The following OMA1 variants were observed in gnomAD, a reference collection of about 807,000 sequenced individuals.
OMA1 encodes the protein metalloendopeptidase OMA1, mitochondrial.
In OMA1, 38 loss-of-function variants were observed where a neutral mutation model predicts 30.9. The ratio of observed to expected loss-of-function variants is 1.23; its 90% confidence interval spans 0.95 to 1.61. The LOEUF (loss-of-function observed/expected upper bound fraction) is 1.61. Among genes scored for constraint, OMA1 ranks in the 40% most tolerant of loss-of-function variants. OMA1 has a pLI of 0.00. For missense variants in OMA1, 461 were observed against 349.2 expected, an observed-to-expected ratio of 1.32 and a Z score of -2.55; for synonymous variants, 173 against 121.9, an observed-to-expected ratio of 1.42 and a Z score of -2.76.
At chr1:58,511,806 C>T (rs1646081603) in intron 7 of OMA1, among the ~76,000 whole-genome samples, 1 of 152,122 alleles carries the variant, frequency 6.6e-6, no homozygotes, top group South Asian at 2.1e-4. Flanking sequence ...AGACCTAAAA[C>T]TATAAAACTC....
At chr1:58,510,784 T>C (rs1023315047) in intron 7 of OMA1, among the ~76,000 whole-genome samples, 1 of 151,978 alleles carries the variant, frequency 6.6e-6, no homozygotes, top group Non-Finnish European at 1.5e-5. Context: ...AAAGTTAGTA[T>C]ACAAAAATCA....
rs576511508 is a variant in OMA1, at chr1:58,517,046, G to A, written c.1215+10215C>T. Among the ~76,000 whole-genome samples the A allele has an allele frequency of 5.3e-5, 8 of 152,244 alleles. No homozygotes were observed. In the South Asian group the frequency reaches 8.3e-4, roughly 16 times the overall value. On this transcript the variant is annotated intron_variant, in intron 7 of 8. Coordinates refer to ENST00000371226, the MANE Select transcript of OMA1 (RefSeq NM_145243.5). The stretch of plus-strand genomic sequence containing the variant: ...TCTGATGCATCAAGGTCCAAAAAAA[G>A]GATACAAGCCACAAATAAGAATCAA...
intron 8 of OMA1, among the ~76,000 whole-genome samples, chr1:58,500,038 A>C (rs781383337): frequency 1.8e-4 from 28 of 152,202 alleles, no homozygotes; most frequent in Non-Finnish European, 3.7e-4. Context: ...GAAAACAGAA[A>C]GCAAGACATT....
intron 8 of OMA1, among the ~76,000 whole-genome samples, chr1:58,495,889 G>T (rs991906698): frequency 2.0e-5 from 3 of 152,076 alleles, no homozygotes; most frequent in African/African-American, 7.2e-5. Context: ...TCTTACTCTT[G>T]TATGCCTTTT....
chr1:58,513,704 A>C (rs1646116837), intron 7 of OMA1, among the ~76,000 whole-genome samples: 1 of 152,206 alleles, frequency 6.6e-6, no homozygotes, highest in Admixed American at 6.6e-5. Context: ...ATTAACAGTC[A>C]CTTATATGAC....
intron 7 of OMA1, among the ~76,000 whole-genome samples, chr1:58,523,647 C>T (rs1273201643): frequency 1.3e-5 from 2 of 152,106 alleles, no homozygotes; most frequent in East Asian, 1.9e-4. Flanking sequence ...CACCTGTAAT[C>T]CCAGCACTTT....
At chr1:58,491,278 A>C (rs1569880078) in intron 8 of OMA1, among the ~76,000 whole-genome samples, 1 of 152,318 alleles carries the variant, frequency 6.6e-6, no homozygotes, top group East Asian at 1.9e-4. Context: ...TAAACATGGA[A>C]AGGAACAACC....
chr1:58,532,819 C>A (rs1238868618), intron 5 of OMA1, among the ~76,000 whole-genome samples: 1 of 152,184 alleles, frequency 6.6e-6, no homozygotes, highest in African/African-American at 2.4e-5. Flanking sequence ...AGCCACTGCA[C>A]CCAGTCAAGA....
intron 8 of OMA1, among the ~76,000 whole-genome samples, chr1:58,487,602 G>A (rs906667335): frequency 2.0e-5 from 3 of 151,998 alleles, no homozygotes; most frequent in Non-Finnish European, 2.9e-5. Flanking sequence ...AGGGCTAGGC[G>A]TCCTTTTCTT....
At chr1:58,512,793 T>C (rs1646100894) in intron 7 of OMA1, among the ~76,000 whole-genome samples, 1 of 152,180 alleles carries the variant, frequency 6.6e-6, no homozygotes. Flanking sequence ...AAAGTCTCAG[T>C]TCTGCAAAAT....
chr1:58,528,586 T>C (rs1646386422), intron 6 of OMA1, among the ~76,000 whole-genome samples: 1 of 152,172 alleles, frequency 6.6e-6, no homozygotes, highest in African/African-American at 2.4e-5. Context: ...ATCTAGGGAA[T>C]GGGGGTCAGA....
At chr1:58,492,264 A>T (rs1645709316) in intron 8 of OMA1, among the ~76,000 whole-genome samples, 1 of 152,240 alleles carries the variant, frequency 6.6e-6, no homozygotes. Flanking sequence ...CATTCAAAGC[A>T]GTGTGTAGAG....
At chr1:58,489,107 G>A (rs540667094) in intron 8 of OMA1, among the ~76,000 whole-genome samples, 1 of 152,322 alleles carries the variant, frequency 6.6e-6, no homozygotes, top group African/African-American at 2.4e-5. Flanking sequence ...AGGACAGTCG[G>A]TGCAGCGCAC....
At chr1:58,504,691 C>T (rs7536230) in intron 8 of OMA1, among the ~76,000 whole-genome samples, 47,314 of 152,076 alleles carry the variant, frequency 0.31, 7,796 homozygotes, top group African/African-American at 0.42. Flanking sequence ...ATCGATCTAC[C>T]TAATGAATGA....
At chr1:58,536,981 T>G (rs1026745689) in intron 2 of OMA1, among the ~76,000 whole-genome samples, 3 of 152,090 alleles carry the variant, frequency 2.0e-5, no homozygotes, top group East Asian at 1.9e-4. Context: ...TTCAGCTATT[T>G]TAAGGATAAA....
At chr1:58,524,438 T>C (rs1170556599) in intron 7 of OMA1, among the ~76,000 whole-genome samples, 2 of 152,238 alleles carry the variant, frequency 1.3e-5, no homozygotes, top group African/African-American at 2.4e-5. Flanking sequence ...AGTTGTAATA[T>C]AATGACTTTG....
chr1:58,521,516 A>C (rs548194296), intron 7 of OMA1, among the ~76,000 whole-genome samples: 2 of 152,214 alleles, frequency 1.3e-5, no homozygotes, highest in South Asian at 2.1e-4. Context: ...AAGATTGATG[A>C]AAGTGATAAA....
intron 7 of OMA1, among the ~76,000 whole-genome samples, chr1:58,518,656 G>A (rs542282297): frequency 6.6e-6 from 1 of 151,220 alleles, no homozygotes; most frequent in East Asian, 2.0e-4. Flanking sequence ...GGACTCCAGG[G>A]TTTTTTTTCC....
chr1:58,512,674 T>C (rs1220316584), intron 7 of OMA1, among the ~76,000 whole-genome samples: 1 of 152,212 alleles, frequency 6.6e-6, no homozygotes, highest in Non-Finnish European at 1.5e-5. Context: ...CGATTCCACT[T>C]ACATGTGGTA....
Sources: gnomAD v4.1 joint callset for allele counts (sites outside exome capture counted in the v4.1 genomes callset) on GRCh38, gnomAD v4.1.1 for gene constraint, MANE v1.5 for transcripts, NCBI Gene and HGNC (gene_info 2026-07-23, HGNC 2026-07-21) for gene names.